ABCC6: variants seen among roughly 807,000 people sequenced by gnomAD.
ABCC6 encodes the protein ATP binding cassette subfamily C member 6, also known as ATP-binding cassette sub-family C member 6.
ABCC6 carries 126 observed loss-of-function variants against 169.5 expected under a neutral mutation model. The ratio of observed to expected loss-of-function variants is 0.74; its 90% confidence interval spans 0.64 to 0.86. The LOEUF (loss-of-function observed/expected upper bound fraction) is 0.86. Ranked by LOEUF, ABCC6 falls within the 40% of genes least tolerant of loss-of-function variation. The pLI is 0.00. For synonymous variants in ABCC6, 752 were observed against 814.7 expected (o/e 0.92, Z 1.31); for missense variants, 1,733 against 1,927.2 (o/e 0.90, Z 1.89).
intron 22 of ABCC6, among the ~76,000 whole-genome samples, chr16:16,168,041 G>T (rs1363994153): frequency 6.6e-6 from 1 of 152,210 alleles, no homozygotes; most frequent in Non-Finnish European, 1.5e-5. Flanking sequence ...TGGTGAGTAG[G>T]TGTACAGGTT....
At chr16:16,200,298 G>A (rs1174695374) in intron 9 of ABCC6, among the ~76,000 whole-genome samples, 3 of 151,562 alleles carry the variant, frequency 2.0e-5, no homozygotes, top group Non-Finnish European at 2.9e-5. Flanking sequence ...GCATGGTGGC[G>A]CACACCTGTA....
Position 16,182,917 on chromosome 16 carries a change from C to A in ABCC6, c.1957G>T (p.Val653Leu), listed in dbSNP as rs780781289. 7 of 1,613,926 alleles carry A rather than the reference C, an allele frequency of 4.3e-6. No individual in the cohort carries two copies. In the Admixed American group the frequency reaches 6.7e-5, roughly 15 times the overall value. Residue 653 changes from valine to leucine, a missense_variant, in exon 16 of 31, where the codon GTG becomes TTG. Around this residue, in one of 5 missense-constraint regions of ABCC6, gnomAD observed 1,601 missense variants for 1,635.5 expected, o/e 0.98. Coordinates refer to ENST00000205557, the MANE Select transcript of ABCC6 (RefSeq NM_001171.6). ...ACAGCCAGCAGACAGCCCTGGGGCACCGTGAGGTTTATTCTGGACACGCAA... is the reference window on the plus strand; with the variant it reads ...ACAGCCAGCAGACAGCCCTGGGGCAACGTGAGGTTTATTCTGGACACGCAA... ...PPCLHRINLTVPQGCLLAVVG... is the reference protein window; with the variant it reads ...PPCLHRINLTLPQGCLLAVVG...
intron 5 of ABCC6, among the ~76,000 whole-genome samples, chr16:16,213,502 C>A (rs2048718519): frequency 1.3e-5 from 2 of 151,370 alleles, no homozygotes; most frequent in Non-Finnish European, 2.9e-5. Context: ...ATCTCTCAAT[C>A]TCTCATGAGC....
chr16:16,169,750 C>G lies in ABCC6; in HGVS notation c.2891G>C (p.Arg964Pro), dbSNP rs72657691. The change falls in exon 22 of 31, where the codon CGG (arginine) becomes CCG (proline). Residue 964 changes from arginine (R) to proline (P), a missense_variant. Arg to Pro is a moderately radical substitution (Grantham distance 103, BLOSUM62 -2). Around this residue, in one of 5 missense-constraint regions of ABCC6, gnomAD observed 1,601 missense variants for 1,635.5 expected, o/e 0.98. Coordinates refer to ENST00000205557, the MANE Select transcript of ABCC6 (RefSeq NM_001171.6). ...FLCQQVASFC[R>P]GYWLSLWADD... ...CGCCCACAGGCTCAGCCAGTAGCCC[C>G]GGCAGAAGGAGGCCACTTGCTGGCA... 1.9e-5 allele frequency: 31 copies of G among 1,605,088 alleles called. No homozygotes were observed. The highest frequency in any genetic ancestry group is 2.6e-5 in the Non-Finnish European group (30 of 1,176,396).
chr16:16,196,018 C>A (rs2048026447), intron 10 of ABCC6, among the ~76,000 whole-genome samples: 1 of 151,954 alleles, frequency 6.6e-6, no homozygotes, highest in African/African-American at 2.4e-5. Flanking sequence ...AGGACCAGCC[C>A]AGCCAACATG....
chr16:16,161,812 T>C (rs2046729898), intron 24 of ABCC6, among the ~76,000 whole-genome samples: 1 of 152,100 alleles, frequency 6.6e-6, no homozygotes, highest in African/African-American at 2.4e-5. Flanking sequence ...TTTCTGTCCC[T>C]GGAATTTGCC....
At chr16:16,196,281 A>T (rs1223038105) in intron 10 of ABCC6, among the ~76,000 whole-genome samples, 1 of 152,082 alleles carries the variant, frequency 6.6e-6, no homozygotes, top group Non-Finnish European at 1.5e-5. Flanking sequence ...AAATGTCAGC[A>T]TCCATAAATA....
chr16:16,154,831 A>G (rs2046490605), intron 28 of ABCC6, 37 bp from the exon 29 acceptor site: 1 of 1,609,406 alleles, frequency 6.2e-7, no homozygotes, highest in Non-Finnish European at 8.5e-7. Context: ...GCCGGGTCCC[A>G]CCATGCCTCC....
At chr16:16,204,577 C>T (rs2152284984) in intron 7 of ABCC6, among the ~76,000 whole-genome samples, 1 of 152,264 alleles carries the variant, frequency 6.6e-6, no homozygotes, top group South Asian at 2.1e-4. Flanking sequence ...AACCAGGGGC[C>T]ACAGAGAAGA....
At position 16,197,861 on chromosome 16, in the gene ABCC6, C is replaced by T. The variant is rs554023892; in HGVS notation, c.1338+160G>A. 2.2e-3 allele frequency among the ~76,000 whole-genome samples: 339 copies of T among 151,566 alleles called. 1 individual carries two copies. Among genetic ancestry groups the T allele is most frequent in the African/African-American group, 7.8e-3 (322 of 41,252 alleles). ...CCTCTCTGACACCAACCTGGTTCTCCCACAGCCTCAGACTTGCCCTAACCC... is the reference window on the plus strand; with the variant it reads ...CCTCTCTGACACCAACCTGGTTCTCTCACAGCCTCAGACTTGCCCTAACCC... On this transcript the variant is annotated intron_variant, in intron 10 of 30. Coordinates refer to ENST00000205557, the MANE Select transcript of ABCC6 (RefSeq NM_001171.6).
intron 10 of ABCC6, among the ~76,000 whole-genome samples, chr16:16,194,058 G>C (rs1156365660): frequency 2.6e-5 from 4 of 152,204 alleles, no homozygotes; most frequent in Admixed American, 6.5e-5. Context: ...GAGTGGGACT[G>C]GGGGGTGTTC....
At chr16:16,193,181 G>T (rs1042388871) in intron 10 of ABCC6, among the ~76,000 whole-genome samples, 1 of 152,076 alleles carries the variant, frequency 6.6e-6, no homozygotes, top group Non-Finnish European at 1.5e-5. Context: ...AACCAAGATG[G>T]CTACGAGAGT....
intron 4 of ABCC6, among the ~76,000 whole-genome samples, chr16:16,216,197 C>G (rs1440231823): frequency 2.6e-5 from 4 of 152,228 alleles, no homozygotes; most frequent in Non-Finnish European, 4.4e-5. Flanking sequence ...GCTGGAATTA[C>G]AGGTGTGAGC....
chr16:16,200,080 C>G (rs1031999880), intron 9 of ABCC6, among the ~76,000 whole-genome samples: 23 of 151,122 alleles, frequency 1.5e-4, no homozygotes, highest in African/African-American at 4.9e-4. Flanking sequence ...AAAAATAAGA[C>G]AAAACAAAAA....
intron 27 of ABCC6, chr16:16,155,827 C>T (rs1440047956): frequency 1.3e-5 from 2 of 152,378 alleles, no homozygotes; most frequent in Admixed American, 1.3e-4. Context: ...ATTAAAGAGT[C>T]CTTGCTCCAG....
chr16:16,204,449 T>G (rs2048332372), intron 7 of ABCC6, among the ~76,000 whole-genome samples: 1 of 152,120 alleles, frequency 6.6e-6, no homozygotes, highest in South Asian at 2.1e-4. Context: ...TTAGGTGGTT[T>G]TGAACTGGTG....
intron 26 of ABCC6, 79 bp from the exon 27 acceptor site, chr16:16,157,888 A>AGTT: frequency 6.7e-7 from 1 of 1,490,886 alleles, no homozygotes; most frequent in South Asian, 1.2e-5. Context: ...TATCAGCTTC[A>AGTT]GTTTTCTCTT....
intron 11 of ABCC6, among the ~76,000 whole-genome samples, chr16:16,192,534 T>A (rs2047896623): frequency 6.6e-6 from 1 of 152,066 alleles, no homozygotes; most frequent in Non-Finnish European, 1.5e-5. Context: ...AGTGTGACAT[T>A]TTGGATGCAT....
At chr16:16,166,062 T>G in intron 22 of ABCC6, 129 bp from the exon 23 acceptor site, 4 of 927,584 alleles carry the variant, frequency 4.3e-6, no homozygotes, top group Non-Finnish European at 6.5e-6. Context: ...GATTATTATA[T>G]TTTTTTGAGA....
Sources: gnomAD v4.1 joint callset for allele counts (sites outside exome capture counted in the v4.1 genomes callset) on GRCh38, gnomAD v4.1.1 for gene constraint, gnomAD v4.1.1 regional missense constraint, MANE v1.5 for transcripts, NCBI Gene and HGNC (gene_info 2026-07-23, HGNC 2026-07-21) for gene names.